DGKK: variants seen among roughly 807,000 people sequenced by gnomAD.
DGKK encodes the protein 142 kDa diacylglycerol kinase.
DGKK carries 35 observed loss-of-function variants against 92.2 expected under a neutral mutation model. The observed-to-expected ratio is 0.38, with a 90% confidence interval of 0.29 to 0.50. DGKK has a LOEUF of 0.50. Among genes scored for constraint, DGKK ranks in the 20% least tolerant of loss-of-function variants. The probability of loss-of-function intolerance (pLI) is 0.92; values close to 1 mark genes in which losing one functional copy is unlikely to be tolerated. For synonymous variants in DGKK, 368 were observed against 360.6 expected, an observed-to-expected ratio of 1.02 and a Z score of -0.23; for missense variants, 910 against 992.2, an observed-to-expected ratio of 0.92 and a Z score of 1.11.
At chrX:50,410,088 T>G (rs1240417824) in intron 4 of DGKK, among the ~76,000 whole-genome samples, 1 of 112,146 alleles carries the variant, frequency 8.9e-6, no homozygotes, top group Non-Finnish European at 1.9e-5. Context: ...AGACAGGAAT[T>G]GGTACTGAGA....
At position 50,418,627 on chromosome X, in the gene DGKK, G is replaced by A. The variant is rs781939635; in HGVS notation, c.942+1776C>T. On this transcript the variant is annotated intron_variant, in intron 4 of 27. Coordinates refer to ENST00000611977, the MANE Select transcript of DGKK (RefSeq NM_001013742.4). ...GACAAATTGCTAAGATGCTGGTGCC[G>A]AGACGTTTCACTATCAGCTAAAAGT... Among the ~76,000 whole-genome samples the A allele has an allele frequency of 6.3e-5, 7 of 111,891 alleles. No homozygotes were observed. The East Asian group carries it at 1.4e-3, about 22-fold the overall frequency.
At chrX:50,398,633 G>A (rs186025026) in intron 8 of DGKK, among the ~76,000 whole-genome samples, 2 of 112,051 alleles carry the variant, frequency 1.8e-5, no homozygotes, top group Admixed American at 9.5e-5. Context: ...TATTTGACAA[G>A]CTATAACAAG....
intron 4 of DGKK, among the ~76,000 whole-genome samples, chrX:50,404,616 T>G (rs1557227055): frequency 1.8e-5 from 2 of 109,700 alleles, no homozygotes; most frequent in Non-Finnish European, 3.8e-5. Context: ...CGGCTAATTT[T>G]TGTATTTTTA....
chrX:50,455,658 A>G (rs1427231624), intron 1 of DGKK, among the ~76,000 whole-genome samples: 1 of 111,617 alleles, frequency 9.0e-6, no homozygotes. Context: ...CCCTCCTTTC[A>G]AAGCCATTTG....
At chrX:50,395,551 G>A (rs1203418249) in intron 8 of DGKK, among the ~76,000 whole-genome samples, 2 of 111,364 alleles carry the variant, frequency 1.8e-5, no homozygotes, top group Non-Finnish European at 3.8e-5. Context: ...AGGTGAGACA[G>A]CAGTGGCAGT....
Position 50,386,517 on chromosome X carries a change from C to T in DGKK, c.2188G>A (p.Ala730Thr), listed in dbSNP as rs1557224975. The T allele has an allele frequency of 8.3e-7, 1 of 1,209,206 alleles. No individual in the cohort carries two copies. Among genetic ancestry groups the T allele is most frequent in the African/African-American group, 1.8e-5 (1 of 57,022 alleles). ...GCATATTCTGTAGCACTTTTTTCAG[C>T]AGAAGTAGCTGCTGCCTCCTCAGCC... ...VLAEEAAATS[A>T]EKSATEYADS... Residue 730 changes from alanine (A) to threonine (T), a missense_variant, in exon 15 of 28, where the codon GCT (alanine) becomes ACT (threonine). Physicochemically the swap from Ala to Thr is moderately conservative, Grantham distance 58 (BLOSUM62 0). Coordinates refer to ENST00000611977, the MANE Select transcript of DGKK (RefSeq NM_001013742.4).
chrX:50,418,028 C>A (rs1257804975), intron 4 of DGKK, among the ~76,000 whole-genome samples: 1 of 111,261 alleles, frequency 9.0e-6, no homozygotes, highest in African/African-American at 3.3e-5. Context: ...TTGCTTATAC[C>A]AGTTCCATAG....
chrX:50,427,636 TTA>T (rs1925779300), intron 1 of DGKK, among the ~76,000 whole-genome samples: 1 of 107,560 alleles, frequency 9.3e-6, no homozygotes, highest in Non-Finnish European at 1.9e-5. Flanking sequence ...CTTGGTCAGT[TTA>T]GTAGCCCCAA....
intron 19 of DGKK, 79 bp from the exon 20 acceptor site, chrX:50,379,813 G>T: frequency 1.1e-6 from 1 of 944,553 alleles, no homozygotes; most frequent in Non-Finnish European, 1.5e-6. Flanking sequence ...TGGGGAAAGG[G>T]CTCTGTCTTC....
intron 1 of DGKK, among the ~76,000 whole-genome samples, chrX:50,457,885 C>G (rs1557233007): frequency 9.0e-6 from 1 of 111,680 alleles, no homozygotes; most frequent in East Asian, 2.8e-4. Context: ...AGACAGTGTG[C>G]ATTATGACAA....
chrX:50,432,635 A>T (rs1925917556), intron 1 of DGKK, among the ~76,000 whole-genome samples: 1 of 112,475 alleles, frequency 8.9e-6, no homozygotes, highest in African/African-American at 3.2e-5. Context: ...TTTTATTACA[A>T]ATGACACTGC....
At chrX:50,369,742 G>A (rs143783155) in intron 27 of DGKK, among the ~76,000 whole-genome samples, 2,210 of 110,988 alleles carry the variant, frequency 0.02, 48 homozygotes, top group African/African-American at 0.07. Flanking sequence ...TTTATTTTTT[G>A]TAGAGACAGC....
In DGKK at chrX:50,370,483, T is replaced by C; in HGVS notation, c.3679A>G (p.Lys1227Glu). Residue 1227 changes from lysine to glutamate, a missense_variant, in exon 27 of 28, where the codon AAA (lysine) becomes GAA (glutamate). Physicochemically the swap from Lys to Glu is moderately conservative, Grantham distance 56 (BLOSUM62 1). Transcript: ENST00000611977. ...GGCTTGCGTTCCTCTTCTACCTTTT[T>C]CTTTCCCAATTTGGGGAACTTAATT... ...LKIKFPKLGK[K>E]KVEEERKPKS... 8.4e-7 allele frequency: 1 copy of C among 1,193,972 alleles called. No homozygotes were observed. The highest frequency in any genetic ancestry group is 1.1e-6 in the Non-Finnish European group (1 of 885,885).
At chrX:50,465,311 C>G (rs1768254853) in intron 1 of DGKK, among the ~76,000 whole-genome samples, 1 of 109,053 alleles carries the variant, frequency 9.2e-6, no homozygotes, top group South Asian at 4.0e-4. Flanking sequence ...ATTTCATTAT[C>G]TGGGGTCACT....
At chrX:50,452,407 GAAGTA>G (rs1389407835) in intron 1 of DGKK, among the ~76,000 whole-genome samples, 6 of 112,154 alleles carry the variant, frequency 5.3e-5, no homozygotes. Flanking sequence ...GCGGGGAAGT[GAAGTA>G]AAGAAATCGC....
chrX:50,470,400 C>T lies in DGKK; in HGVS notation c.279G>A (p.Pro93=). The T allele has an allele frequency of 8.3e-7, 1 of 1,207,152 alleles. No homozygotes were observed. The highest frequency in any genetic ancestry group is 1.1e-6 in the Non-Finnish European group (1 of 891,752). Residue 93 remains proline, a synonymous_variant, in exon 1 of 28, where the codon CCG becomes CCA. Transcript: ENST00000611977. The part of the protein sequence containing the change: ...PEPATEPASE[P]APEPATEPAP... ...CCGGCTCTGTGGCAGGTTCTGGGGC[C>T]GGTTCTGAGGCCGGCTCTGTGGCTG... is the stretch of plus-strand genomic sequence containing the variant.
At chrX:50,421,670 G>A (rs1230014202) in intron 3 of DGKK, among the ~76,000 whole-genome samples, 2 of 111,933 alleles carry the variant, frequency 1.8e-5, no homozygotes, top group Non-Finnish European at 1.9e-5. Context: ...TAATGAGAGA[G>A]TAACAAAGCA....
chrX:50,389,819 A>AC (rs1924639177), intron 12 of DGKK, among the ~76,000 whole-genome samples: 2 of 110,357 alleles, frequency 1.8e-5, no homozygotes, highest in Non-Finnish European at 3.8e-5. Context: ...ACGCTGTTCC[A>AC]TCTGTGTGGA....
At position 50,384,202 on chromosome X, in the gene DGKK, T is replaced by A; in HGVS notation, c.2515A>T (p.Asn839Tyr). 8.5e-7 allele frequency: 1 copy of A among 1,182,156 alleles called. No homozygotes were observed. Among genetic ancestry groups the A allele is most frequent in the Middle Eastern group, 2.3e-4 (1 of 4,289 alleles). Residue 839 changes from asparagine (N) to tyrosine (Y), a missense_variant, in exon 17 of 28, where the codon AAC becomes TAC. Transcript: ENST00000611977. ...SLKSEDLDNLNLDHLHFTPES... is the reference protein window; with the variant it reads ...SLKSEDLDNLYLDHLHFTPES... ...GGTGTAAAATGTAAGTGATCCAAGT[T>A]AAGGTTGTCCAGGTCCTCACTTTTG...
Sources: gnomAD v4.1 joint callset for allele counts (sites outside exome capture counted in the v4.1 genomes callset) on GRCh38, gnomAD v4.1.1 for gene constraint, MANE v1.5 for transcripts, NCBI Gene and HGNC (gene_info 2026-07-23, HGNC 2026-07-21) for gene names.